Variants in WHRN observed in about 807,000 individuals in gnomAD.
WHRN encodes CASK-interacting protein CIP98.
WHRN carries 41 observed loss-of-function variants against 68.3 expected under a neutral mutation model. That is an observed-to-expected ratio of 0.60 (90% confidence interval 0.47 to 0.78). The LOEUF (loss-of-function observed/expected upper bound fraction) is 0.78, where lower values mean the gene tolerates loss of function less well. Among genes scored for constraint, WHRN ranks in the 30% least tolerant of loss-of-function variants. The probability of loss-of-function intolerance (pLI) is 0.00; values close to 1 mark genes in which losing one functional copy is unlikely to be tolerated. For missense variants in WHRN, 1,243 were observed against 1,244.7 expected, an observed-to-expected ratio of 1.00 and a Z score of 0.02; for synonymous variants, 560 against 561.3, an observed-to-expected ratio of 1.00 and a Z score of 0.03.
chr9:114,449,659 C>T (rs1359523260), intron 3 of WHRN, among the ~76,000 whole-genome samples: 1 of 152,006 alleles, frequency 6.6e-6, no homozygotes, highest in Non-Finnish European at 1.5e-5. Flanking sequence ...GGGTGGGGAG[C>T]AGAGGCTACA....
At chr9:114,448,519 G>A (rs1416791378) in intron 3 of WHRN, among the ~76,000 whole-genome samples, 5 of 152,134 alleles carry the variant, frequency 3.3e-5, no homozygotes, top group African/African-American at 1.2e-4. Flanking sequence ...AAACTGCCTG[G>A]ACTTGTGACA....
chr9:114,449,812 G>A (rs937056924), intron 3 of WHRN, among the ~76,000 whole-genome samples: 7 of 152,158 alleles, frequency 4.6e-5, no homozygotes, highest in African/African-American at 1.7e-4. Context: ...CAAGCCAATC[G>A]CTTAGACAAT....
At chr9:114,430,686 T>C (rs1837341910) in intron 3 of WHRN, among the ~76,000 whole-genome samples, 1 of 152,204 alleles carries the variant, frequency 6.6e-6, no homozygotes, top group African/African-American at 2.4e-5. Context: ...GTTAAGTAAA[T>C]ATATCCCTAC....
intron 2 of WHRN, among the ~76,000 whole-genome samples, chr9:114,472,442 T>A (rs896333734): frequency 2.6e-5 from 4 of 152,194 alleles, no homozygotes; most frequent in Admixed American, 2.6e-4. Flanking sequence ...CCGTGTATGA[T>A]CATTTCCTTG....
intron 3 of WHRN, among the ~76,000 whole-genome samples, chr9:114,432,136 C>T (rs539348465): frequency 2.6e-5 from 4 of 152,136 alleles, no homozygotes; most frequent in Non-Finnish European, 5.9e-5. Context: ...CCATGGAATG[C>T]CCTTCATTTT....
intron 7 of WHRN, among the ~76,000 whole-genome samples, chr9:114,410,543 A>C (rs539201726): frequency 1.7e-4 from 26 of 152,240 alleles, no homozygotes; most frequent in African/African-American, 6.0e-4. Flanking sequence ...GGCACTCCTG[A>C]CGCCATACCC....
intron 2 of WHRN, among the ~76,000 whole-genome samples, chr9:114,477,269 G>T (rs1298526342): frequency 6.6e-6 from 1 of 152,220 alleles, no homozygotes; most frequent in African/African-American, 2.4e-5. Context: ...CAGAGGCATG[G>T]CACTTGGCCC....
chr9:114,442,633 C>T lies in WHRN; in HGVS notation c.964-16220G>A, dbSNP rs148431351. Among the ~76,000 whole-genome samples, 367 of 152,196 alleles carry T rather than the reference C, an allele frequency of 2.4e-3. 9 individuals are homozygous for T. The South Asian group carries it at 0.034, about 14-fold the overall frequency. On this transcript the variant is annotated intron_variant, in intron 3 of 11. Coordinates refer to ENST00000362057, the MANE Select transcript of WHRN (RefSeq NM_015404.4). Reference sequence around the variant, plus strand: ...CATAAACGGCTTGGTGCCCTCCTCACGGTAATGAGTTACCAGGAGATCTAG... The same window carrying T: ...CATAAACGGCTTGGTGCCCTCCTCATGGTAATGAGTTACCAGGAGATCTAG...
intron 1 of WHRN, among the ~76,000 whole-genome samples, chr9:114,487,188 A>ATT (rs199746650): frequency 7.3e-6 from 1 of 136,504 alleles, no homozygotes. Context: ...CCAAAAAAAA[A>ATT]TTTTTTTTTT....
chr9:114,466,692 AC>A (rs1840730160), intron 2 of WHRN, among the ~76,000 whole-genome samples: 1 of 152,094 alleles, frequency 6.6e-6, no homozygotes, highest in African/African-American at 2.4e-5. Context: ...AACACCCGGG[AC>A]TACTCAGACA....
At chr9:114,408,856 A>G (rs1226440728) in intron 7 of WHRN, among the ~76,000 whole-genome samples, 3 of 152,242 alleles carry the variant, frequency 2.0e-5, no homozygotes, top group Admixed American at 6.5e-5. Flanking sequence ...ACCCTCCCCA[A>G]TGTGGGTGGG....
intron 1 of WHRN, among the ~76,000 whole-genome samples, chr9:114,489,445 A>C (rs1299293931): frequency 1.3e-5 from 2 of 151,562 alleles, no homozygotes; most frequent in Admixed American, 1.3e-4. Flanking sequence ...TGTTCCTATC[A>C]AAGGCACCAC....
chr9:114,429,905 C>G lies in WHRN; in HGVS notation c.964-3492G>C, dbSNP rs180936315. On this transcript the variant is annotated intron_variant, in intron 3 of 11. Coordinates refer to ENST00000362057, the MANE Select transcript of WHRN (RefSeq NM_015404.4). ...CCCAACTTGCTAAACCACCTCCCCA[C>G]GTGGCAGCTCCATCTCTCATCTCTG... is the stretch of plus-strand genomic sequence containing the variant. 2.8e-4 allele frequency among the ~76,000 whole-genome samples: 43 copies of G among 152,200 alleles called. 1 individual carries two copies. Among genetic ancestry groups the G allele is most frequent in the Non-Finnish European group, 7.3e-5 (5 of 68,036 alleles).
chr9:114,442,008 A>G (rs1198890198), intron 3 of WHRN, among the ~76,000 whole-genome samples: 1 of 152,234 alleles, frequency 6.6e-6, no homozygotes, highest in Non-Finnish European at 1.5e-5. Context: ...CATCAAAGCT[A>G]GCATGATCCT....
chr9:114,504,791 G>A lies in WHRN; in HGVS notation c.11C>T (p.Pro4Leu). ...CGAGCTCACCGACAGGCCGTCCAGC[G>A]GCGCGTTCATCTCCACGCCGAGGCC... MNA[P>L]LDGLSVSSSS... Residue 4 changes from proline to leucine, a missense_variant, in exon 1 of 12, where the codon CCG becomes CTG. By Grantham distance (98) the Pro-to-Leu change is moderately conservative. Coordinates refer to ENST00000362057, the MANE Select transcript of WHRN (RefSeq NM_015404.4). 6.9e-7 allele frequency: 1 copy of A among 1,453,924 alleles called. No homozygotes were observed. The highest frequency in any genetic ancestry group is 9.0e-7 in the Non-Finnish European group (1 of 1,116,630). The allele number at this position is 1,453,924 out of a possible 1,614,324, so 90.1% of individuals were successfully genotyped here.
At chr9:114,420,623 G>C (rs1193351742) in intron 7 of WHRN, among the ~76,000 whole-genome samples, 1 of 152,100 alleles carries the variant, frequency 6.6e-6, no homozygotes, top group Non-Finnish European at 1.5e-5. Context: ...AGGGTACCTG[G>C]GTGGGATGAA....
intron 3 of WHRN, 110 bp from the exon 4 acceptor site, chr9:114,426,523 C>T (rs1362495116): frequency 1.8e-5 from 23 of 1,278,940 alleles, no homozygotes; most frequent in Non-Finnish European, 2.5e-5. Flanking sequence ...TCAAGGAGGT[C>T]ATCCAGGATC....
intron 7 of WHRN, among the ~76,000 whole-genome samples, chr9:114,410,675 T>C (rs777170006): frequency 1.3e-5 from 2 of 152,230 alleles, no homozygotes; most frequent in Non-Finnish European, 2.9e-5. Context: ...CCCATGATGC[T>C]TCAGGGGCAT....
intron 3 of WHRN, among the ~76,000 whole-genome samples, chr9:114,465,201 C>G (rs7044404): frequency 0.49 from 74,974 of 152,072 alleles, 18,921 homozygotes; most frequent in East Asian, 0.65. Flanking sequence ...TGTACTCCAG[C>G]CTGTCTGCCA....
Sources: gnomAD v4.1 joint callset for allele counts (sites outside exome capture counted in the v4.1 genomes callset) on GRCh38, gnomAD v4.1.1 for gene constraint, MANE v1.5 for transcripts, NCBI Gene and HGNC (gene_info 2026-07-23, HGNC 2026-07-21) for gene names.